FHL2: variants seen among roughly 807,000 people sequenced by gnomAD.
FHL2 encodes four and a half LIM domains 2, also known as four and a half LIM domains protein 2.
In FHL2, 20 loss-of-function variants were observed where a neutral mutation model predicts 32.7. The observed-to-expected ratio is 0.61, with a 90% CI of 0.43 to 0.89. FHL2 has a LOEUF of 0.89. Among genes scored for constraint, FHL2 ranks in the 40% least tolerant of loss-of-function variants. The probability of loss-of-function intolerance (pLI) is 0.00; values close to 1 mark genes in which losing one functional copy is unlikely to be tolerated. For missense variants in FHL2, 311 were observed against 358.6 expected (o/e 0.87, Z 1.07); for synonymous variants, 123 against 128.1 (o/e 0.96, Z 0.27).
chr2:105,407,894 C>G (rs1388263214), intron 1 of FHL2, among the ~76,000 whole-genome samples: 4 of 152,168 alleles, frequency 2.6e-5, no homozygotes, highest in Non-Finnish European at 4.4e-5. Flanking sequence ...CGGAAGCCAC[C>G]ATCTTAATTT....
chr2:105,416,129 T>G (rs1683929029), intron 1 of FHL2, among the ~76,000 whole-genome samples: 1 of 152,218 alleles, frequency 6.6e-6, no homozygotes, highest in Non-Finnish European at 1.5e-5. Context: ...TTATATTTAC[T>G]GCATTAGAAA....
chr2:105,423,824 T>C (rs1684178439), intron 1 of FHL2, among the ~76,000 whole-genome samples: 3 of 152,198 alleles, frequency 2.0e-5, no homozygotes, highest in Admixed American at 1.3e-4. Context: ...GCTAGCCATA[T>C]GCAGAAAGCT....
chr2:105,388,564 T>A (rs1475329581), intron 2 of FHL2, among the ~76,000 whole-genome samples: 1 of 151,922 alleles, frequency 6.6e-6, no homozygotes, highest in Non-Finnish European at 1.5e-5. Context: ...CACTCACGCC[T>A]GTAATCCCAG....
intron 1 of FHL2, among the ~76,000 whole-genome samples, chr2:105,436,809 T>C (rs1383937610): frequency 6.6e-6 from 1 of 152,250 alleles, no homozygotes; most frequent in East Asian, 1.9e-4. Context: ...TTTGCTGGTC[T>C]GTATTTTTTA....
intron 2 of FHL2, among the ~76,000 whole-genome samples, chr2:105,395,757 C>A (rs1156458788): frequency 6.6e-6 from 1 of 152,222 alleles, no homozygotes; most frequent in Non-Finnish European, 1.5e-5. Context: ...TCTGTTCACC[C>A]ATGAAAACAG....
At position 105,363,466 on chromosome 2, in the gene FHL2, G is replaced by A. The variant is rs539301452; in HGVS notation, c.507C>T (p.Ile169=). Residue 169 remains isoleucine (I), a synonymous_variant, in exon 6 of 7, where the codon ATC becomes ATT. Coordinates refer to ENST00000530340, the MANE Select transcript of FHL2 (RefSeq NM_001318895.3). Reference sequence around the variant, plus strand: ...CCCGGTAAGTGACCCCTCCCGTGGTGATGGGCTGCAGGGACGAGGGGGAGA... The same window carrying A: ...CCCGGTAAGTGACCCCTCCCGTGGTAATGGGCTGCAGGGACGAGGGGGAGA... The part of the protein sequence containing the change: ...AMQCVQCKKP[I]TTGGVTYREQ... 34 of 1,607,212 alleles carry A rather than the reference G, an allele frequency of 2.1e-5. No homozygotes were observed. The African/African-American group carries it at 3.1e-4, about 14-fold the overall frequency.
intron 2 of FHL2, among the ~76,000 whole-genome samples, chr2:105,393,309 C>T (rs1431405566): frequency 1.3e-5 from 2 of 152,118 alleles, no homozygotes; most frequent in African/African-American, 2.4e-5. Context: ...AATCTGTGAA[C>T]GTCCCCAAGC....
intron 5 of FHL2, among the ~76,000 whole-genome samples, chr2:105,366,615 T>C (rs1680651221): frequency 1.3e-5 from 2 of 152,210 alleles, no homozygotes; most frequent in Non-Finnish European, 2.9e-5. Context: ...AGCTACACCC[T>C]GAAGGGTGCA....
At chr2:105,384,617 C>A (rs1371074384) in intron 3 of FHL2, among the ~76,000 whole-genome samples, 2 of 152,304 alleles carry the variant, frequency 1.3e-5, no homozygotes, top group South Asian at 2.1e-4. Flanking sequence ...AAGTGATTCT[C>A]GTGCCTCAGC....
At chr2:105,368,642 G>A (rs1680804760) in intron 4 of FHL2, among the ~76,000 whole-genome samples, 1 of 152,128 alleles carries the variant, frequency 6.6e-6, no homozygotes, top group African/African-American at 2.4e-5. Flanking sequence ...AACACTTATG[G>A]GTCACCCCTG....
intron 1 of FHL2, among the ~76,000 whole-genome samples, chr2:105,405,367 T>C (rs1320877105): frequency 6.6e-6 from 1 of 152,218 alleles, no homozygotes; most frequent in Non-Finnish European, 1.5e-5. Flanking sequence ...CTTCCAGGCA[T>C]TTCTGAAATG....
At chr2:105,420,600 A>G (rs1684071958) in intron 1 of FHL2, among the ~76,000 whole-genome samples, 1 of 152,154 alleles carries the variant, frequency 6.6e-6, no homozygotes, top group Non-Finnish European at 1.5e-5. Context: ...GGGCAGAGAG[A>G]GGGATGGCGA....
chr2:105,404,848 G>T (rs1057454332), intron 1 of FHL2, among the ~76,000 whole-genome samples: 1 of 152,076 alleles, frequency 6.6e-6, no homozygotes, highest in East Asian at 1.9e-4. Flanking sequence ...CAAACTATTT[G>T]TTGGATATAA....
intron 1 of FHL2, among the ~76,000 whole-genome samples, chr2:105,419,877 G>A (rs759202522): frequency 2.6e-5 from 4 of 152,160 alleles, no homozygotes. Flanking sequence ...ACAGAAGAAG[G>A]TTGAGGAAAA....
rs1159414280 is a variant in FHL2 at position 105,417,731 on chromosome 2, G to A, written c.-25+20668C>T. On this transcript the variant is annotated intron_variant, in intron 1 of 5. Transcript: ENST00000393352. The stretch of plus-strand genomic sequence containing the variant: ...AAAGAAAGAATGAAAAAAAGAGGAT[G>A]TGTGTGTTTAAGGGTCCAGATTTAA... Among the ~76,000 whole-genome samples the A allele has an allele frequency of 2.0e-5, 3 of 151,278 alleles. No homozygotes were observed. In the South Asian group the frequency reaches 6.3e-4, roughly 32 times the overall value.
At chr2:105,371,480 C>A (rs77183484) in intron 4 of FHL2, among the ~76,000 whole-genome samples, 1,864 of 151,992 alleles carry the variant, frequency 0.012, 49 homozygotes, top group African/African-American at 0.043. Flanking sequence ...GAGCCTCCAG[C>A]CTGCTGCCCT....
intron 1 of FHL2, among the ~76,000 whole-genome samples, chr2:105,397,161 A>C (rs1004454477): frequency 3.5e-4 from 53 of 152,128 alleles, no homozygotes; most frequent in African/African-American, 1.2e-3. Flanking sequence ...GTTAAAAAAA[A>C]TAAATAAATA....
At chr2:105,403,248 G>GGTTCAGATCCT (rs1683527540), upstream of FHL2, among the ~76,000 whole-genome samples, 1 of 152,174 alleles carries the variant, frequency 6.6e-6, no homozygotes, top group African/African-American at 2.4e-5. Context: ...GAAGAATTAA[G>GGTTCAGATCCT]GTTCAGATCC....
intron 3 of FHL2, chr2:105,374,042 C>T (rs373923477): frequency 7.7e-6 from 3 of 390,880 alleles, no homozygotes; most frequent in Admixed American, 3.9e-5. Context: ...GAAAGAGAAA[C>T]AGAAAACATG....
Sources: allele counts gnomAD v4.1 joint callset (sites outside exome capture counted in the v4.1 genomes callset), GRCh38; gene constraint gnomAD v4.1.1; transcripts MANE v1.5; gene names NCBI Gene and HGNC (gene_info 2026-07-23, HGNC 2026-07-21).